Variants in HIVEP2 observed in about 807,000 individuals in gnomAD.
HIVEP2 encodes HIVEP zinc finger 2.
HIVEP2 carries 14 observed loss-of-function variants against 180.7 expected under a neutral mutation model. That is an observed-to-expected ratio of 0.08 (90% confidence interval 0.05 to 0.12). HIVEP2 has a LOEUF of 0.12. Among genes scored for constraint, HIVEP2 ranks in the 10% least tolerant of loss-of-function variants. HIVEP2 has a pLI of 1.00. For missense variants in HIVEP2, 2,579 were observed against 3,008.5 expected, an observed-to-expected ratio of 0.86 and a Z score of 3.34; for synonymous variants, 1,184 against 1,136.4, an observed-to-expected ratio of 1.04 and a Z score of -0.84.
In HIVEP2 at chr6:142,760,376, T is replaced by C. The variant is rs1775195718; in HGVS notation, c.5912A>G (p.Tyr1971Cys). ...SSLGHSSLIS[Y>C]LVTLPSIRVT... Reference sequence around the variant, plus strand: ...TCGAATACTTGGCAAAGTAACCAAATAGCTGATCAACGAAGAATGTCCCAG... The same window carrying C: ...TCGAATACTTGGCAAAGTAACCAAACAGCTGATCAACGAAGAATGTCCCAG... The change falls in exon 9 of 10, where the codon TAT becomes TGT. Residue 1971 changes from tyrosine (Y) to cysteine (C), a missense_variant. Tyr to Cys is a radical substitution (Grantham distance 194). Coordinates refer to ENST00000367603, the MANE Select transcript of HIVEP2 (RefSeq NM_006734.4). 6.2e-7 allele frequency: 1 copy of C among 1,614,174 alleles called. No individual in the cohort carries two copies. The highest frequency in any genetic ancestry group is 8.5e-7 in the Non-Finnish European group (1 of 1,180,036).
At chr6:142,791,427 C>T (rs1023503531) in intron 2 of HIVEP2, among the ~76,000 whole-genome samples, 1 of 152,098 alleles carries the variant, frequency 6.6e-6, no homozygotes, top group Non-Finnish European at 1.5e-5. Flanking sequence ...TATTCAGGTA[C>T]CTCCTTGACA....
intron 1 of HIVEP2, among the ~76,000 whole-genome samples, chr6:142,905,897 C>T (rs763996052): frequency 6.6e-6 from 1 of 151,992 alleles, no homozygotes; most frequent in African/African-American, 2.4e-5. Flanking sequence ...TTTGGGAGGC[C>T]GAGGCGGGGG....
intron 2 of HIVEP2, among the ~76,000 whole-genome samples, chr6:142,827,495 G>A (rs1256610545): frequency 6.6e-6 from 1 of 152,204 alleles, no homozygotes; most frequent in Non-Finnish European, 1.5e-5. Context: ...TTGAGGACAG[G>A]AAAAGAACTG....
chr6:142,824,790 T>C (rs1248599966), intron 2 of HIVEP2, among the ~76,000 whole-genome samples: 1 of 152,136 alleles, frequency 6.6e-6, no homozygotes, highest in African/African-American at 2.4e-5. Flanking sequence ...TACAAAACCA[T>C]AGCTGAATAC....
intron 1 of HIVEP2, among the ~76,000 whole-genome samples, chr6:142,934,967 T>G (rs1391164510): frequency 1.3e-5 from 2 of 152,186 alleles, no homozygotes; most frequent in Non-Finnish European, 2.9e-5. Flanking sequence ...AACAGCCACC[T>G]TCACACAGCG....
rs370184807 is a variant in HIVEP2 at position 142,760,697 on chromosome 6, T to C, written c.5621-30A>G. ...AACAATTAAACAAAGATAATGGAGA[T>C]CAAGATCCAAATATCAAGGTTAGGA... On this transcript the variant is annotated intron_variant, in intron 8 of 9. Coordinates refer to ENST00000367603, the MANE Select transcript of HIVEP2 (RefSeq NM_006734.4). 2.6e-6 allele frequency: 4 copies of C among 1,510,486 alleles called. No homozygotes were observed. In the African/African-American group the frequency reaches 5.6e-5, roughly 21 times the overall value. 93.6% of individuals were successfully genotyped at this position (1,510,486 alleles called of 1,614,324 possible).
intron 1 of HIVEP2, among the ~76,000 whole-genome samples, chr6:142,919,694 T>G (rs570759205): frequency 6.6e-6 from 1 of 152,346 alleles, no homozygotes; most frequent in East Asian, 1.9e-4. Context: ...GGAAATAAGA[T>G]GTAATATACA....
chr6:142,770,661 T>C lies in HIVEP2; in HGVS notation c.4078A>G (p.Asn1360Asp). The C allele has an allele frequency of 6.2e-7, 1 of 1,614,240 alleles. No homozygotes were observed. The highest frequency in any genetic ancestry group is 8.5e-7 in the Non-Finnish European group (1 of 1,180,048). The stretch of plus-strand genomic sequence containing the variant: ...TTGCATATGACAATGGCAGGGCTAT[T>C]CTGCCCAAGTATCTGAGAAATGCTT... ...YTSISQILGQ[N>D]SPAIVICKVD... The change falls in exon 5 of 10, where the codon AAT (asparagine) becomes GAT (aspartate). Residue 1360 changes from asparagine (N) to aspartate (D), a missense_variant. Physicochemically the swap from Asn to Asp is conservative, Grantham distance 23. Coordinates refer to ENST00000367603, the MANE Select transcript of HIVEP2 (RefSeq NM_006734.4). The surrounding 1 kb of genome is among the most constrained non-coding windows in gnomAD (Gnocchi z 4.7).
intron 1 of HIVEP2, among the ~76,000 whole-genome samples, chr6:142,918,516 C>A (rs1055695672): frequency 6.6e-6 from 1 of 152,212 alleles, no homozygotes; most frequent in African/African-American, 2.4e-5. Flanking sequence ...ATGTTCTGCC[C>A]TGGCTTTGCG....
rs9373365 is a variant in HIVEP2, at chr6:142,895,316, T to A, written c.-641+49783A>T. Among the ~76,000 whole-genome samples, 1,375 of 152,306 alleles carry A rather than the reference T, an allele frequency of 9.0e-3. 84 individuals are homozygous for A. The East Asian group carries it at 0.17, about 19-fold the overall frequency. On this transcript the variant is annotated intron_variant, in intron 1 of 9. Coordinates refer to ENST00000367603, the MANE Select transcript of HIVEP2 (RefSeq NM_006734.4). ...CTGGTAGAAATGTTTTTTTCAGGAC[T>A]TAAATTTTTGTCTCTTTTCTTGCCT...
chr6:142,822,949 C>G (rs1393502120), intron 2 of HIVEP2, among the ~76,000 whole-genome samples: 2 of 152,182 alleles, frequency 1.3e-5, no homozygotes, highest in Non-Finnish European at 2.9e-5. Context: ...AGCTCCTGTT[C>G]CAGCCCCACC....
chr6:142,914,877 G>A (rs561662154), intron 1 of HIVEP2, among the ~76,000 whole-genome samples: 76 of 152,154 alleles, frequency 5.0e-4, no homozygotes, highest in African/African-American at 1.7e-3. Context: ...TTTCTTCTCC[G>A]GTAATGCCCT....
intron 1 of HIVEP2, among the ~76,000 whole-genome samples, chr6:142,881,464 C>T (rs903638150): frequency 2.0e-5 from 3 of 152,126 alleles, no homozygotes; most frequent in African/African-American, 7.2e-5. Flanking sequence ...GTAAGAATGG[C>T]CCTACACATG....
intron 1 of HIVEP2, among the ~76,000 whole-genome samples, chr6:142,891,752 T>A (rs868706805): frequency 5.8e-4 from 88 of 152,354 alleles, no homozygotes; most frequent in African/African-American, 2.1e-3. Flanking sequence ...ATTCTGCAAT[T>A]CAGCTAATTC....
chr6:142,901,218 T>A (rs1777125446), intron 1 of HIVEP2, among the ~76,000 whole-genome samples: 1 of 152,244 alleles, frequency 6.6e-6, no homozygotes, highest in Non-Finnish European at 1.5e-5. Context: ...AGAGAAAATT[T>A]GTGACCTTAT....
At position 142,777,466 on chromosome 6, in the gene HIVEP2, G is replaced by A. The variant is rs186646543; in HGVS notation, c.-432-1275C>T. 2.8e-3 allele frequency among the ~76,000 whole-genome samples: 433 copies of A among 151,946 alleles called. 2 individuals carry two copies. Among genetic ancestry groups the A allele is most frequent in the Non-Finnish European group, 4.8e-3 (324 of 67,946 alleles). On this transcript the variant is annotated intron_variant, in intron 3 of 9. Transcript: ENST00000367603. The stretch of plus-strand genomic sequence containing the variant: ...CATTGGCACCAGCCTGACCAACATA[G>A]AGAAACCCTGTTTCTACTAAAAATA...
chr6:142,842,919 T>A (rs1775406061), intron 1 of HIVEP2, among the ~76,000 whole-genome samples: 1 of 152,164 alleles, frequency 6.6e-6, no homozygotes, highest in Admixed American at 6.5e-5. Flanking sequence ...CATTTAAACA[T>A]GATTCATTCT....
At chr6:142,868,547 T>C (rs1224516257) in intron 1 of HIVEP2, among the ~76,000 whole-genome samples, 1 of 152,166 alleles carries the variant, frequency 6.6e-6, no homozygotes, top group Non-Finnish European at 1.5e-5. Context: ...CACAAATCCT[T>C]ATTCATCAAG....
Position 142,771,473 on chromosome 6 carries a change from G to A in HIVEP2, c.3266C>T (p.Ser1089Phe). The A allele has an allele frequency of 1.2e-6, 2 of 1,613,622 alleles. No homozygotes were observed. Among genetic ancestry groups the A allele is most frequent in the Non-Finnish European group, 1.7e-6 (2 of 1,180,038 alleles). Residue 1089 changes from serine (S) to phenylalanine (F), a missense_variant, in exon 5 of 10, where the codon TCC becomes TTC. Coordinates refer to ENST00000367603, the MANE Select transcript of HIVEP2 (RefSeq NM_006734.4). The surrounding 1 kb of genome is among the most constrained non-coding windows in gnomAD (Gnocchi z 5.4). Reference protein sequence around the residue: ...FLVRQASFSGSPEISQGEVGM... With the variant: ...FLVRQASFSGFPEISQGEVGM... ...AACCTCGCCCTGGGAGATTTCTGGG[G>A]AGCCACTGAAGGAAGCTTGCCGCAC...
Sources: gnomAD v4.1 joint callset for allele counts (sites outside exome capture counted in the v4.1 genomes callset) on GRCh38, gnomAD v4.1.1 for gene constraint, Gnocchi (gnomAD v3.1) non-coding constraint, MANE v1.5 for transcripts, NCBI Gene and HGNC (gene_info 2026-07-23, HGNC 2026-07-21) for gene names.